C10orf90: variants seen among roughly 807,000 people sequenced by gnomAD.
C10orf90 encodes (E2-independent) E3 ubiquitin-conjugating enzyme FATS.
C10orf90 carries 56 observed loss-of-function variants against 62.5 expected under a neutral mutation model. That is an observed-to-expected ratio of 0.90 (90% CI 0.72 to 1.12). The LOEUF is 1.12. C10orf90 is among the 50% of genes most tolerant of loss of function. C10orf90 has a pLI of 0.00. For missense variants in C10orf90, 970 were observed against 880.4 expected (o/e 1.10, Z -1.29); for synonymous variants, 386 against 340.4 (o/e 1.13, Z -1.47).
At chr10:126,513,457 A>T (rs1051774498) in intron 3 of C10orf90, among the ~76,000 whole-genome samples, 6 of 152,018 alleles carry the variant, frequency 3.9e-5, no homozygotes, top group African/African-American at 1.4e-4. Flanking sequence ...TATAAATATG[A>T]CCTCTAATTT....
At chr10:126,597,437 G>T (rs1845109852) in intron 2 of C10orf90, among the ~76,000 whole-genome samples, 1 of 152,254 alleles carries the variant, frequency 6.6e-6, no homozygotes, top group Admixed American at 6.5e-5. Flanking sequence ...GTGGAGAGGA[G>T]GTTGGAACCA....
intron 6 of C10orf90, 66 bp from the exon 7 acceptor site, chr10:126,459,283 T>G: frequency 6.3e-7 from 1 of 1,580,216 alleles, no homozygotes; most frequent in Non-Finnish European, 8.6e-7. Flanking sequence ...CGCATCTGTC[T>G]GATGCAGCCA....
At chr10:126,429,436 A>G (rs1857445477) in intron 8 of C10orf90, among the ~76,000 whole-genome samples, 1 of 152,172 alleles carries the variant, frequency 6.6e-6, no homozygotes, top group Non-Finnish European at 1.5e-5. Context: ...TCCTCCTCAT[A>G]AAGTTACCTT....
At chr10:126,514,744 T>C (rs190050817) in intron 2 of C10orf90, among the ~76,000 whole-genome samples, 210 of 152,308 alleles carry the variant, frequency 1.4e-3, no homozygotes, top group Non-Finnish European at 2.1e-3. Flanking sequence ...AGCCTTACGC[T>C]ACAGACCCTC....
chr10:126,506,360 C>T (rs907937480), intron 3 of C10orf90, among the ~76,000 whole-genome samples: 1 of 152,196 alleles, frequency 6.6e-6, no homozygotes, highest in African/African-American at 2.4e-5. Context: ...GGGTCCTGGC[C>T]CCCGTTTAGA....
At chr10:126,474,680 G>T (rs1013796881) in intron 4 of C10orf90, among the ~76,000 whole-genome samples, 1 of 152,046 alleles carries the variant, frequency 6.6e-6, no homozygotes, top group Admixed American at 6.5e-5. Flanking sequence ...ACCAAACATC[G>T]GTCATATCAA....
chr10:126,584,587 G>A (rs2134019866), intron 2 of C10orf90, among the ~76,000 whole-genome samples: 2 of 152,212 alleles, frequency 1.3e-5, no homozygotes, highest in South Asian at 4.1e-4. Context: ...AAGCCAGCCT[G>A]GCCTTCCCAT....
intron 2 of C10orf90, among the ~76,000 whole-genome samples, chr10:126,565,011 AT>A (rs1215661713): frequency 2.0e-4 from 3 of 14,814 alleles, no homozygotes; most frequent in Non-Finnish European, 2.5e-4. Flanking sequence ...TATAATATAT[AT>A]AATATATATT....
At chr10:126,508,158 TGAGAGAGAGAGA>T (rs57143666) in intron 3 of C10orf90, among the ~76,000 whole-genome samples, 2 of 131,468 alleles carry the variant, frequency 1.5e-5, no homozygotes, top group Admixed American at 7.5e-5. Context: ...AATGAGTGAG[TGAGAGAGAGAGA>T]GAGAGAGAGA....
At position 126,513,342 on chromosome 10, in the gene C10orf90, T is replaced by G. The variant is rs182262307; in HGVS notation, c.405+506A>C. Among the ~76,000 whole-genome samples the G allele has an allele frequency of 2.0e-5, 3 of 152,342 alleles. No individual in the cohort carries two copies. The East Asian group carries it at 5.8e-4, about 29-fold the overall frequency. Reference sequence around the variant, plus strand: ...TGTCTTGTGGGGCTATGGGAAGGATTAACTGCATCAGTCGATTAGACAGAG... The same window carrying G: ...TGTCTTGTGGGGCTATGGGAAGGATGAACTGCATCAGTCGATTAGACAGAG... On this transcript the variant is annotated intron_variant, in intron 3 of 9. Coordinates refer to ENST00000488181, the MANE Select transcript of C10orf90 (RefSeq NM_001350921.2).
chr10:126,649,076 C>CTG (rs376687022), intron 1 of C10orf90, among the ~76,000 whole-genome samples: 1 of 41,972 alleles, frequency 2.4e-5, no homozygotes, highest in Non-Finnish European at 6.3e-5. Context: ...CTCTCTCCCC[C>CTG]CCCCCCAGCA....
At chr10:126,669,284 G>A (rs1430798302) in intron 1 of C10orf90, among the ~76,000 whole-genome samples, 2 of 152,136 alleles carry the variant, frequency 1.3e-5, no homozygotes, top group African/African-American at 4.8e-5. Flanking sequence ...ACACTCCCAG[G>A]GCTGGAACTG....
chr10:126,654,263 G>A (rs1846349007), intron 1 of C10orf90, among the ~76,000 whole-genome samples: 3 of 152,318 alleles, frequency 2.0e-5, no homozygotes, highest in African/African-American at 4.8e-5. Flanking sequence ...TCGTCTTCCA[G>A]TAGAAGGCTG....
chr10:126,485,109 G>T (rs1861359640), intron 4 of C10orf90, among the ~76,000 whole-genome samples: 1 of 152,182 alleles, frequency 6.6e-6, no homozygotes, highest in African/African-American at 2.4e-5. Context: ...GAGGTAATTA[G>T]GTCATATGGG....
intron 2 of C10orf90, among the ~76,000 whole-genome samples, chr10:126,522,475 T>G (rs1244758073): frequency 6.6e-6 from 1 of 152,214 alleles, no homozygotes; most frequent in Admixed American, 6.5e-5. Context: ...CATAGTGGCT[T>G]TGTAAGCAGT....
intron 2 of C10orf90, among the ~76,000 whole-genome samples, chr10:126,549,859 T>C (rs1326211715): frequency 2.6e-5 from 4 of 151,572 alleles, no homozygotes; most frequent in African/African-American, 9.7e-5. Context: ...TAGTTATACA[T>C]GCAACAACCT....
intron 4 of C10orf90, among the ~76,000 whole-genome samples, chr10:126,466,463 C>G (rs866895493): frequency 5.3e-5 from 8 of 152,038 alleles, no homozygotes; most frequent in Non-Finnish European, 1.2e-4. Context: ...GACTACCAAC[C>G]CCTCTCATCA....
In C10orf90 at chr10:126,504,922, C is replaced by T. The variant is rs746847588; in HGVS notation, c.569G>A (p.Gly190Glu). The part of the protein sequence containing the change: ...HAKQSLANRS[G>E]VNIHRAFALL... ...CGCAAATGCTCTGTGAATGTTGACT[C>T]CGCTGCGGTTAGCCAGAGATTGCTT... Residue 190 changes from glycine (G) to glutamate (E), a missense_variant, in exon 4 of 10, where the codon GGA becomes GAA. Gly to Glu is a moderately conservative substitution (Grantham distance 98). Transcript: ENST00000488181. This position sits in a 1 kb window ranked among gnomAD's most constrained non-coding sequence, Gnocchi z 4.1. 3.7e-6 allele frequency: 6 copies of T among 1,614,248 alleles called. No individual in the cohort carries two copies. The South Asian group carries it at 6.6e-5, about 18-fold the overall frequency.
At chr10:126,654,138 A>G (rs1460238252) in intron 1 of C10orf90, among the ~76,000 whole-genome samples, 1 of 152,172 alleles carries the variant, frequency 6.6e-6, no homozygotes, top group Non-Finnish European at 1.5e-5. Flanking sequence ...ATGGGAAATG[A>G]GCATTGGTTT....
Sources: allele counts gnomAD v4.1 joint callset (sites outside exome capture counted in the v4.1 genomes callset), GRCh38; gene constraint gnomAD v4.1.1; non-coding constraint Gnocchi (gnomAD v3.1); transcripts MANE v1.5; gene names NCBI Gene and HGNC (gene_info 2026-07-23, HGNC 2026-07-21).